RFX2: variants seen among roughly 807,000 people sequenced by gnomAD.
RFX2 encodes DNA-binding protein RFX2.
Under a neutral mutation model 87.8 loss-of-function variants are expected in RFX2, and 20 were observed. The observed-to-expected ratio is 0.23, with a 90% CI of 0.16 to 0.33. The LOEUF is 0.33. Ranked by LOEUF, RFX2 falls within the 10% of genes least tolerant of loss-of-function variation. RFX2 has a pLI of 1.00. For synonymous variants in RFX2, 397 were observed against 431.3 expected, an observed-to-expected ratio of 0.92 and a Z score of 0.98; for missense variants, 767 against 1,012.3, an observed-to-expected ratio of 0.76 and a Z score of 3.29.
chr19:6,070,063 G>A lies in RFX2; in HGVS notation c.-8-22559C>T, dbSNP rs1228574824. Among the ~76,000 whole-genome samples the A allele has an allele frequency of 9.5e-4, 2 of 2,096 alleles. 1 individual carries two copies. The allele number at this position is 2,096 out of a possible 152,430, so 1.4% of individuals were successfully genotyped here. On this transcript the variant is annotated intron_variant, in intron 1 of 17. Coordinates refer to ENST00000303657, the MANE Select transcript of RFX2 (RefSeq NM_000635.4). ...GGGATGGGATGGGATGGGATGGGAT[G>A]GGATGGGATGTGGATGGGATGGGAT...
chr19:6,052,226 TAGAC>T (rs2087275144), intron 1 of RFX2, among the ~76,000 whole-genome samples: 1 of 152,032 alleles, frequency 6.6e-6, no homozygotes, highest in Admixed American at 6.6e-5. Context: ...TCAGACAAAA[TAGAC>T]TCTGAGATGA....
chr19:6,098,624 A>G (rs542981518), intron 1 of RFX2, among the ~76,000 whole-genome samples: 2 of 152,248 alleles, frequency 1.3e-5, no homozygotes, highest in Admixed American at 1.3e-4. Flanking sequence ...TAGAGGGGTT[A>G]AAGATACCTT....
At chr19:6,070,390 G>T (rs138038097) in intron 1 of RFX2, among the ~76,000 whole-genome samples, 2 of 152,064 alleles carry the variant, frequency 1.3e-5, no homozygotes, top group Non-Finnish European at 2.9e-5. Flanking sequence ...CTGGAGGGGG[G>T]TCCTGGTCCC....
rs144802602 is a variant in RFX2 at position 6,040,075 on chromosome 19, G to T, written c.427C>A (p.Pro143Thr). 17 of 1,612,202 alleles carry T rather than the reference G, an allele frequency of 1.1e-5. No homozygotes were observed. The highest frequency in any genetic ancestry group is 5.0e-5 in the Admixed American group (3 of 59,956). ...TAGGCTCCCGCGCTGGAGACGATGG[G>T]GCTCCCCCCGACATCCATGGTGATG... ...VGITMDVGGS[P>T]IVSSAGAYLI... Residue 143 changes from proline (P) to threonine (T), a missense_variant, in exon 5 of 18, where the codon CCC becomes ACC. Coordinates refer to ENST00000303657, the MANE Select transcript of RFX2 (RefSeq NM_000635.4). This position sits in a 1 kb window ranked among gnomAD's most constrained non-coding sequence, Gnocchi z 6.1.
At chr19:6,109,023 TGTGA>T (rs1198542044) in intron 1 of RFX2, among the ~76,000 whole-genome samples, 1 of 151,786 alleles carries the variant, frequency 6.6e-6, no homozygotes, top group Non-Finnish European at 1.5e-5. Context: ...AGTGTGTGTG[TGTGA>T]GTGTGTGTGT....
Position 6,074,198 on chromosome 19 carries a change from G to T in RFX2, c.-8-26694C>A, listed in dbSNP as rs1006843562. 3.9e-5 allele frequency among the ~76,000 whole-genome samples: 6 copies of T among 152,224 alleles called. No individual in the cohort carries two copies. Among genetic ancestry groups the T allele is most frequent in the Non-Finnish European group, 5.9e-5 (4 of 68,038 alleles). ...ACAGAGAGCCGGGGTTTTGTAGCAG[G>T]GGTGGGGGTGCGGTACAGGAACAGA... is the stretch of plus-strand genomic sequence containing the variant. On this transcript the variant is annotated intron_variant, in intron 1 of 17. Transcript: ENST00000303657. This position sits in a 1 kb window ranked among gnomAD's most constrained non-coding sequence, Gnocchi z 5.2.
chr19:6,006,567 G>A (rs1207815051), intron 12 of RFX2, among the ~76,000 whole-genome samples: 4 of 149,744 alleles, frequency 2.7e-5, no homozygotes, highest in East Asian at 2.0e-4. Context: ...CTCCTGGCTC[G>A]GCCTCCCTAG....
At chr19:6,008,297 T>C (rs1222923112) in intron 9 of RFX2, 73 bp from the exon 10 acceptor site, 2 of 850,620 alleles carry the variant, frequency 2.4e-6, no homozygotes, top group East Asian at 5.3e-5. Context: ...AAGGCCACGG[T>C]GGATGGGGGC....
At chr19:6,055,017 C>A (rs961073283) in intron 1 of RFX2, among the ~76,000 whole-genome samples, 7 of 152,096 alleles carry the variant, frequency 4.6e-5, no homozygotes, top group Admixed American at 4.6e-4. Context: ...TAAACTCCTA[C>A]AATTCAATAT....
rs114512659 is a variant in RFX2, at chr19:6,000,758, C to G, written c.1859+1057G>C. ...CAACCTATTTTTCTTTATAAATTAC[C>G]CAGTGTTGGGTATGTCTGTATCAGC... On this transcript the variant is annotated intron_variant, in intron 15 of 17. Transcript: ENST00000303657. Among the ~76,000 whole-genome samples, 1,499 of 152,316 alleles carry G rather than the reference C, an allele frequency of 9.8e-3. 24 individuals are homozygous for G. Among genetic ancestry groups the G allele is most frequent in the African/African-American group, 0.035 (1,435 of 41,572 alleles).
intron 5 of RFX2, among the ~76,000 whole-genome samples, chr19:6,038,160 G>C (rs1423831558): frequency 1.3e-5 from 2 of 151,642 alleles, no homozygotes; most frequent in African/African-American, 4.8e-5. Flanking sequence ...AACCCTGTCT[G>C]TACTGAAAAC....
intron 1 of RFX2, among the ~76,000 whole-genome samples, chr19:6,073,964 G>T (rs148267844): frequency 6.6e-6 from 1 of 152,076 alleles, no homozygotes; most frequent in African/African-American, 2.4e-5. Context: ...TGTGTGTCTC[G>T]TCCTCACACA....
intron 5 of RFX2, among the ~76,000 whole-genome samples, chr19:6,029,535 C>G (rs1160765305): frequency 6.6e-6 from 1 of 151,956 alleles, no homozygotes. Flanking sequence ...ATGGTGAAAC[C>G]CTGTCTCTAC....
chr19:6,036,378 G>A (rs1234405804), intron 5 of RFX2, among the ~76,000 whole-genome samples: 1 of 152,080 alleles, frequency 6.6e-6, no homozygotes, highest in African/African-American at 2.4e-5. Flanking sequence ...GGGGCACTAC[G>A]CCTGTCCTCA....
Position 6,101,955 on chromosome 19 carries a change from T to C in RFX2, c.-9+8438A>G, listed in dbSNP as rs946894423. On this transcript the variant is annotated intron_variant, in intron 1 of 17. Transcript: ENST00000303657. This position sits in a 1 kb window ranked among gnomAD's most constrained non-coding sequence, Gnocchi z 4.9. ...CCATGCAATGGAATATTCTTTAGCC[T>C]TAAAAAGGAAGGAAATTCTGATGCA... is the stretch of plus-strand genomic sequence containing the variant. 2.6e-5 allele frequency among the ~76,000 whole-genome samples: 4 copies of C among 152,206 alleles called. No homozygotes were observed. The highest frequency in any genetic ancestry group is 4.4e-5 in the Non-Finnish European group (3 of 68,030).
intron 5 of RFX2, among the ~76,000 whole-genome samples, chr19:6,035,769 C>T (rs1015156608): frequency 6.6e-6 from 1 of 151,548 alleles, no homozygotes; most frequent in Non-Finnish European, 1.5e-5. Flanking sequence ...CAACAACAAG[C>T]CAATAAACAA....
At chr19:6,079,981 A>T (rs947522936) in intron 1 of RFX2, among the ~76,000 whole-genome samples, 29 of 135,696 alleles carry the variant, frequency 2.1e-4, no homozygotes, top group South Asian at 6.7e-4. Context: ...AATATAAATT[A>T]AAAAAAAAAA....
intron 6 of RFX2, among the ~76,000 whole-genome samples, chr19:6,018,865 C>A (rs1430124773): frequency 1.3e-5 from 2 of 152,194 alleles, no homozygotes; most frequent in Admixed American, 1.3e-4. Context: ...GGCCAAACAT[C>A]CCTCCTTACC....
In RFX2 at chr19:6,026,168, T is replaced by A. The variant is rs572154715; in HGVS notation, c.592A>T (p.Ser198Cys). The A allele has an allele frequency of 3.1e-6, 5 of 1,613,630 alleles. No homozygotes were observed. In the South Asian group the frequency reaches 5.5e-5, roughly 18 times the overall value. The change falls in exon 6 of 18, where the codon AGC becomes TGC. Residue 198 changes from serine (S) to cysteine (C), a missense_variant. Ser to Cys is a moderately radical substitution (Grantham distance 112, BLOSUM62 -1). Coordinates refer to ENST00000303657, the MANE Select transcript of RFX2 (RefSeq NM_000635.4). The surrounding 1 kb of genome is among the most constrained non-coding windows in gnomAD (Gnocchi z 4.5). ...CAGGTCAGACGCACACTTACATGGC[T>A]GTTGAGTAAACCGCTTTTGTGTGAT... is the stretch of plus-strand genomic sequence containing the variant. ...ITSHKSGLLN[S>C]HLQWLLDNYE...
Sources: gnomAD v4.1 joint callset for allele counts (sites outside exome capture counted in the v4.1 genomes callset) on GRCh38, gnomAD v4.1.1 for gene constraint, Gnocchi (gnomAD v3.1) non-coding constraint, MANE v1.5 for transcripts, NCBI Gene and HGNC (gene_info 2026-07-23, HGNC 2026-07-21) for gene names.